Variants in BRAF observed in about 807,000 individuals in gnomAD.
BRAF encodes B-Raf proto-oncogene, serine/threonine kinase, also known as serine/threonine-protein kinase B-raf.
BRAF carries 16 observed loss-of-function variants against 104.6 expected under a neutral mutation model. That is an observed-to-expected ratio of 0.15 (90% CI 0.10 to 0.23). The LOEUF (loss-of-function observed/expected upper bound fraction) is 0.23. BRAF is among the 10% of genes least tolerant of loss of function. BRAF has a pLI of 1.00. For missense variants in BRAF, 541 were observed against 937.3 expected (o/e 0.58, Z 5.52); for synonymous variants, 310 against 341.6 (o/e 0.91, Z 1.02).
At chr7:140,753,740 T>G (rs1208731887) in intron 15 of BRAF, 1 of 304,032 alleles carries the variant, frequency 3.3e-6, no homozygotes, top group Admixed American at 4.8e-5. Flanking sequence ...TAAAGGCTCT[T>G]CATTGGAATG....
chr7:140,887,026 A>T (rs1813644616), intron 1 of BRAF, among the ~76,000 whole-genome samples: 1 of 152,230 alleles, frequency 6.6e-6, no homozygotes, highest in South Asian at 2.1e-4. Flanking sequence ...GAGAGTCTGA[A>T]CTATTGTTGA....
chr7:140,763,041 C>T (rs1002339442), intron 14 of BRAF, among the ~76,000 whole-genome samples: 1 of 152,262 alleles, frequency 6.6e-6, no homozygotes, highest in Admixed American at 6.5e-5. Flanking sequence ...TCCGATTTCT[C>T]AATCTTTTCC....
At chr7:140,739,986 G>T (rs2130901698) in intron 17 of BRAF, 40 bp from the exon 17 acceptor site, 1 of 1,593,858 alleles carries the variant, frequency 6.3e-7, no homozygotes, top group Non-Finnish European at 8.6e-7. Context: ...CAACCTTGTA[G>T]ATAAGTTGAA....
At chr7:140,815,932 C>T (rs1804834115) in intron 3 of BRAF, among the ~76,000 whole-genome samples, 1 of 152,120 alleles carries the variant, frequency 6.6e-6, no homozygotes, top group African/African-American at 2.4e-5. Context: ...ATAAAGGTGA[C>T]ATTTTTTACT....
At chr7:140,764,065 C>T (rs1444165790) in intron 14 of BRAF, among the ~76,000 whole-genome samples, 3 of 152,112 alleles carry the variant, frequency 2.0e-5, no homozygotes, top group Non-Finnish European at 4.4e-5. Context: ...ACTGGCAAAC[C>T]GAATCCAGCA....
chr7:140,734,256 A>G (rs1188197862), intron 19 of BRAF: 1 of 1,217,064 alleles, frequency 8.2e-7, no homozygotes, highest in Non-Finnish European at 1.0e-6. Context: ...CCTAGTGGAC[A>G]TGTGATAGCT....
At chr7:140,917,699 T>C (rs906847407) in intron 1 of BRAF, among the ~76,000 whole-genome samples, 1 of 152,184 alleles carries the variant, frequency 6.6e-6, no homozygotes, top group Non-Finnish European at 1.5e-5. Flanking sequence ...ATATAACATA[T>C]ATAGTCTCCC....
Position 140,924,617 on chromosome 7 carries a change from G to A in BRAF, c.87C>T (p.Ala29=), listed in dbSNP as rs1344877993. The A allele has an allele frequency of 4.6e-6, 7 of 1,524,682 alleles. No homozygotes were observed. The highest frequency in any genetic ancestry group is 4.4e-6 in the Non-Finnish European group (5 of 1,141,786). 94.4% of individuals were successfully genotyped at this position (1,524,682 alleles called of 1,614,324 possible). A position where few individuals can be genotyped will look rare whatever the true frequency, so the allele number is the denominator to read the frequency against. Residue 29 remains alanine, a synonymous_variant, in exon 1 of 20, where the codon GCC becomes GCT. Coordinates refer to ENST00000644969, the MANE Select transcript of BRAF (RefSeq NM_001374258.1). This position sits in a 1 kb window ranked among gnomAD's most constrained non-coding sequence, Gnocchi z 4.2. ...FNGDMEPEAG[A]GAGAAASSAA... is the part of the protein sequence containing the mutation. ...CCGAAGAGGCCGCGGCGCCGGCGCCGGCGCCGGCCTCGGGCTCCATGTCCC... is the reference window on the plus strand; with the variant it reads ...CCGAAGAGGCCGCGGCGCCGGCGCCAGCGCCGGCCTCGGGCTCCATGTCCC...
chr7:140,851,944 T>C (rs962399080), intron 1 of BRAF, among the ~76,000 whole-genome samples: 1 of 152,240 alleles, frequency 6.6e-6, no homozygotes, highest in African/African-American at 2.4e-5. Context: ...ATTCTGGATA[T>C]TAATCTTTAT....
At chr7:140,872,913 A>T (rs1386599876) in intron 1 of BRAF, among the ~76,000 whole-genome samples, 1 of 152,086 alleles carries the variant, frequency 6.6e-6, no homozygotes, top group African/African-American at 2.4e-5. Flanking sequence ...GTACCAATAA[A>T]ATTCTAAGGA....
chr7:140,806,953 G>A (rs1296121955), intron 5 of BRAF, among the ~76,000 whole-genome samples: 5 of 152,056 alleles, frequency 3.3e-5, no homozygotes, highest in African/African-American at 9.7e-5. Flanking sequence ...ACGCCTAAAG[G>A]GTAGCAGTAA....
chr7:140,845,024 A>C (rs1808397201), intron 2 of BRAF, among the ~76,000 whole-genome samples: 1 of 152,204 alleles, frequency 6.6e-6, no homozygotes, highest in African/African-American at 2.4e-5. Context: ...TTACTACACA[A>C]AGCTAGTGTA....
intron 3 of BRAF, among the ~76,000 whole-genome samples, chr7:140,829,868 G>A (rs766805559): frequency 1.4e-4 from 21 of 152,102 alleles, no homozygotes; most frequent in Non-Finnish European, 2.2e-4. Flanking sequence ...CCTGTATTAT[G>A]TCTGTGAATA....
Position 140,749,302 on chromosome 7 carries a change from G to T in BRAF, c.2097C>A (p.Ile699=). ...LMTGQLPYSN[I]NNRDQIIFMV... is the part of the protein sequence containing the mutation. Reference sequence around the variant, plus strand: ...AAATATTTACCTGGTCCCTGTTGTTGATGTTTGAATAAGGTAACTGTCCAG... The same window carrying T: ...AAATATTTACCTGGTCCCTGTTGTTTATGTTTGAATAAGGTAACTGTCCAG... The change falls in exon 17 of 20, where the codon ATC becomes ATA. Residue 699 remains isoleucine (I), a synonymous_variant. Transcript: ENST00000644969. 1.2e-6 allele frequency: 2 copies of T among 1,611,456 alleles called. No homozygotes were observed. The highest frequency in any genetic ancestry group is 1.1e-5 in the South Asian group (1 of 90,974).
At position 140,739,529 on chromosome 7, in the gene BRAF, G is replaced by A. The variant is rs58194061; in HGVS notation, c.2247+283C>T. ...AACAAAAGCTCTTTGTGGGGGGGGG[G>A]GTCTTCGATAATTTTTAAATGTGTA... On this transcript the variant is annotated intron_variant, in intron 18 of 19. Coordinates refer to ENST00000644969, the MANE Select transcript of BRAF (RefSeq NM_001374258.1). Among the ~76,000 whole-genome samples, 10,543 of 141,864 alleles carry A rather than the reference G, an allele frequency of 0.074. 1,158 individuals are homozygous for A. Among genetic ancestry groups the A allele is most frequent in the African/African-American group, 0.24 (9,712 of 39,786 alleles). The allele number at this position is 141,864 out of a possible 152,430, so 93.1% of individuals were successfully genotyped here.
intron 19 of BRAF, chr7:140,733,181 A>C (rs971368379): frequency 2.6e-5 from 4 of 152,212 alleles, no homozygotes; most frequent in Admixed American, 6.5e-5. Flanking sequence ...ATGACATCTA[A>C]GTATTCAAAT....
chr7:140,723,215 C>G lies in BRAF; in HGVS notation c.*3279G>C. On this transcript the variant is annotated 3_prime_UTR_variant, in exon 20 of 20. Coordinates refer to ENST00000644969, the MANE Select transcript of BRAF (RefSeq NM_001374258.1). Reference sequence around the variant, plus strand: ...TGAGGAGGATGTGCAGCAGCTCGCACTCCGCCTGGTGAATACAAGGTAACA... The same window carrying G: ...TGAGGAGGATGTGCAGCAGCTCGCAGTCCGCCTGGTGAATACAAGGTAACA... 1 of 1,054,422 alleles carries G rather than the reference C, an allele frequency of 9.5e-7. No individual in the cohort carries two copies. Among genetic ancestry groups the G allele is most frequent in the Non-Finnish European group, 1.1e-6 (1 of 872,570 alleles). The allele number at this position is 1,054,422 out of a possible 1,614,324, so 65.3% of individuals were successfully genotyped here.
At chr7:140,862,838 C>A (rs1810563716) in intron 1 of BRAF, among the ~76,000 whole-genome samples, 1 of 152,086 alleles carries the variant, frequency 6.6e-6, no homozygotes, top group Admixed American at 6.5e-5. Flanking sequence ...TTAAAAACCA[C>A]TAAATTGCAC....
At position 140,747,556 on chromosome 7, in the gene BRAF, C is replaced by T. The variant is rs544200909; in HGVS notation, c.2112+1731G>A. 7.8e-4 allele frequency: 268 copies of T among 344,226 alleles called. 2 individuals carry two copies. Among genetic ancestry groups the T allele is most frequent in the Non-Finnish European group, 1.3e-3 (255 of 195,540 alleles). The allele number at this position is 344,226 out of a possible 1,614,324, so 21.3% of individuals were successfully genotyped here. ...AATTTTATTATTGTACTAAGATAAACGTATTCACTGACAAATGAATTTCAT... is the reference window on the plus strand; with the variant it reads ...AATTTTATTATTGTACTAAGATAAATGTATTCACTGACAAATGAATTTCAT... On this transcript the variant is annotated intron_variant, in intron 17 of 19. Transcript: ENST00000644969.
Sources: allele counts gnomAD v4.1 joint callset (sites outside exome capture counted in the v4.1 genomes callset), GRCh38; gene constraint gnomAD v4.1.1; non-coding constraint Gnocchi (gnomAD v3.1); transcripts MANE v1.5; gene names NCBI Gene and HGNC (gene_info 2026-07-23, HGNC 2026-07-21).